Variants in ANO9 observed in about 807,000 individuals in gnomAD.
ANO9 encodes the protein anoctamin 9.
Under a neutral mutation model 100.5 loss-of-function variants are expected in ANO9, and 80 were observed. The ratio of observed to expected loss-of-function variants is 0.80; its 90% CI spans 0.66 to 0.96. The LOEUF is 0.96. ANO9 is among the 40% of genes least tolerant of loss of function. The pLI is 0.00. For missense variants in ANO9, 1,064 were observed against 1,072.7 expected (o/e 0.99, Z 0.11); for synonymous variants, 473 against 435.6 (o/e 1.09, Z -1.07).
chr11:425,902 G>GT (rs1470625591), intron 15 of ANO9, among the ~76,000 whole-genome samples: 2 of 106,616 alleles, frequency 1.9e-5, no homozygotes, highest in East Asian at 7.0e-4. Context: ...CTAATTTTTT[G>GT]TATTTTTTTT....
Position 420,510 on chromosome 11 carries a change from A to G in ANO9, c.1739T>C (p.Met580Thr). The G allele has an allele frequency of 6.2e-7, 1 of 1,605,480 alleles. No homozygotes were observed. The highest frequency in any genetic ancestry group is 8.5e-7 in the Non-Finnish European group (1 of 1,179,604). The change falls in exon 19 of 23, where the codon ATG becomes ACG. Residue 580 changes from methionine (M) to threonine (T), a missense_variant. Coordinates refer to ENST00000332826, the MANE Select transcript of ANO9 (RefSeq NM_001012302.3). ...LVEIRLDAIK[M>T]VWLQRRLVPR... Reference sequence around the variant, plus strand: ...CACCAGGCGCCGCTGCAACCAGACCATCTTGATGGCGTCCAGGCGGATCTC... The same window carrying G: ...CACCAGGCGCCGCTGCAACCAGACCGTCTTGATGGCGTCCAGGCGGATCTC...
At chr11:419,268 C>G in intron 20 of ANO9, 12 of 1,417,376 alleles carry the variant, frequency 8.5e-6, no homozygotes, top group Non-Finnish European at 1.0e-5. Context: ...GGTCAGAGAG[C>G]TGGATAAATC....
At chr11:423,899 A>G (rs1041000286) in intron 15 of ANO9, among the ~76,000 whole-genome samples, 5 of 151,414 alleles carry the variant, frequency 3.3e-5, no homozygotes, top group African/African-American at 7.3e-5. Context: ...ACACACACAC[A>G]CACACACACA....
chr11:436,355 C>T (rs1451574962), intron 1 of ANO9, among the ~76,000 whole-genome samples: 1 of 152,104 alleles, frequency 6.6e-6, no homozygotes, highest in Non-Finnish European at 1.5e-5. Context: ...GTGTGAGCCA[C>T]CACGCCCGGC....
In ANO9 at chr11:420,845, C is replaced by G; in HGVS notation, c.1506G>C (p.Lys502Asn). ...ACTCGGAGGCCCGCAGAGAGCGGCA[C>G]TTGTGGGTCACCCACCTGCGGGGAG... ...VEYLVPWVTH[K>N]CRSLRASESG... The change falls in exon 18 of 23, where the codon AAG becomes AAC. Residue 502 changes from lysine (K) to asparagine (N), a missense_variant. Transcript: ENST00000332826. 1 of 1,591,680 alleles carries G rather than the reference C, an allele frequency of 6.3e-7. No individual in the cohort carries two copies. Among genetic ancestry groups the G allele is most frequent in the Non-Finnish European group, 8.5e-7 (1 of 1,172,680 alleles).
At chr11:433,217 G>A (rs974573307) in intron 4 of ANO9, 97 bp downstream of exon 4, 10 of 1,489,602 alleles carry the variant, frequency 6.7e-6, no homozygotes, top group East Asian at 4.8e-5. Flanking sequence ...CTGCCTTGGC[G>A]ACGCCTGGAG....
rs751610844 is a variant in ANO9 at position 422,245 on chromosome 11, T to G, written c.1335-1047A>C. On this transcript the variant is annotated intron_variant, in intron 15 of 22. Transcript: ENST00000332826. The surrounding 1 kb of genome is among the most constrained non-coding windows in gnomAD (Gnocchi z 4.3). ...AAAACTACCAAGGAGCATGAAAGAC[T>G]TGCAGGGAGAACCTCGTTCTCCCAT... Among the ~76,000 whole-genome samples the G allele has an allele frequency of 6.6e-5, 10 of 152,206 alleles. No homozygotes were observed. Among genetic ancestry groups the G allele is most frequent in the Admixed American group, 1.3e-4 (2 of 15,282 alleles).
At chr11:434,870 GGCAGTCTCCAA>G (rs1849326463) in intron 1 of ANO9, among the ~76,000 whole-genome samples, 1 of 152,152 alleles carries the variant, frequency 6.6e-6, no homozygotes, top group Admixed American at 6.5e-5. Flanking sequence ...TAATTACTGA[GGCAGTCTCCAA>G]GCTGTCTCTG....
chr11:435,616 A>ATAGTCTAGTCTAGTATGGTCTAGTC (rs1849444357), intron 1 of ANO9, among the ~76,000 whole-genome samples: 1 of 64,862 alleles, frequency 1.5e-5, no homozygotes, highest in Admixed American at 1.3e-4. Context: ...ATAGTCTAGT[A>ATAGTCTAGTCTAGTATGGTCTAGTC]TAGTCTAGTC....
intron 1 of ANO9, among the ~76,000 whole-genome samples, chr11:435,123 A>G (rs1020919711): frequency 6.6e-6 from 1 of 151,824 alleles, no homozygotes; most frequent in African/African-American, 2.4e-5. Context: ...AGCATAGCAT[A>G]GCATAGTGTA....
chr11:434,203 T>C lies in ANO9; in HGVS notation c.7-105A>G, dbSNP rs988027224. 97 of 1,313,038 alleles carry C rather than the reference T, an allele frequency of 7.4e-5. No homozygotes were observed. The African/African-American group carries it at 1.3e-3, about 17-fold the overall frequency. The allele number at this position is 1,313,038 out of a possible 1,614,324, so 81.3% of individuals were successfully genotyped here. ...GGACCACATGGTCACACACCGTCCC[T>C]CCCCACAAGGAGAACAGCAAAGAGT... On this transcript the variant is annotated intron_variant, in intron 1 of 22. Transcript: ENST00000332826.
intron 1 of ANO9, among the ~76,000 whole-genome samples, chr11:439,438 T>G (rs886452734): frequency 1.9e-5 from 2 of 107,884 alleles, no homozygotes; most frequent in Non-Finnish European, 3.6e-5. Flanking sequence ...GAGATGGTTG[T>G]GCAGATATGA....
rs749665921 is a variant in ANO9, at chr11:433,897, TG to T, written c.121del (p.Gln41AsnfsTer29). ...SEQWDYVLVA[Q>X]RHTQRDPRQA... is the part of the protein sequence containing the mutation. ...CCGGGGGTCTCTCTGGGTGTGACGT[TG>T]GGCCACGAGGACATAGTCCCACTGC... is the stretch of plus-strand genomic sequence containing the variant. On this transcript the variant is annotated frameshift_variant, in exon 3 of 23. Transcript: ENST00000332826. LOFTEE classifies it high-confidence loss of function. 1 of 1,563,934 alleles carries T rather than the reference TG, an allele frequency of 6.4e-7. No individual in the cohort carries two copies. The highest frequency in any genetic ancestry group is 1.2e-5 in the South Asian group (1 of 85,046).
intron 19 of ANO9, 187 bp downstream of exon 19, chr11:420,276 C>T: frequency 7.0e-7 from 1 of 1,432,060 alleles, no homozygotes; most frequent in Non-Finnish European, 9.1e-7. Flanking sequence ...CGCTCGGCCC[C>T]GCCCACTCCT....
In ANO9 at chr11:420,575, G is replaced by C; in HGVS notation, c.1674C>G (p.Phe558Leu). Reference protein sequence around the residue: ...YGFTTIFVAAFPLAPLLALFS... With the variant: ...YGFTTIFVAALPLAPLLALFS... Reference sequence around the variant, plus strand: ...AGAGCGCGAGCAGCGGCGCCAGCGGGAAGGCGGCCACGAAGATGGTGGTGA... The same window carrying C: ...AGAGCGCGAGCAGCGGCGCCAGCGGCAAGGCGGCCACGAAGATGGTGGTGA... The change falls in exon 19 of 23, where the codon TTC becomes TTG. Residue 558 changes from phenylalanine (F) to leucine (L), a missense_variant. Phe to Leu is a conservative substitution (Grantham distance 22). Coordinates refer to ENST00000332826, the MANE Select transcript of ANO9 (RefSeq NM_001012302.3). 4 of 1,605,330 alleles carry C rather than the reference G, an allele frequency of 2.5e-6. 1 individual carries two copies. In the South Asian group the frequency reaches 3.3e-5, roughly 13 times the overall value.
At position 429,463 on chromosome 11, in the gene ANO9, G is replaced by C. The variant is rs926884816; in HGVS notation, c.915+107C>G. The C allele has an allele frequency of 2.0e-6, 3 of 1,523,624 alleles. No homozygotes were observed. In the African/African-American group the frequency reaches 4.1e-5, roughly 21 times the overall value. The allele number at this position is 1,523,624 out of a possible 1,614,324, so 94.4% of individuals were successfully genotyped here. On this transcript the variant is annotated intron_variant, in intron 11 of 22. Coordinates refer to ENST00000332826, the MANE Select transcript of ANO9 (RefSeq NM_001012302.3). ...GCCCCACATGTGGGGAGACAGACTC[G>C]GGACACACACCTCAGACACGGCAGG...
chr11:434,169 C>T (rs1849269865), intron 1 of ANO9, 71 bp from the exon 2 acceptor site: 1 of 1,510,770 alleles, frequency 6.6e-7, no homozygotes, highest in African/African-American at 1.4e-5. Flanking sequence ...ATTGGCGGGT[C>T]CCTGCAGCGG....
chr11:420,163 C>A, intron 19 of ANO9: 1 of 1,367,908 alleles, frequency 7.3e-7, no homozygotes, highest in Non-Finnish European at 9.4e-7. Context: ...GGACAGAGGC[C>A]GGCTGCTCTG....
chr11:428,944 GAGAC>G, intron 11 of ANO9, 118 bp from the exon 12 acceptor site: 2 of 963,020 alleles, frequency 2.1e-6, no homozygotes, highest in Non-Finnish European at 3.2e-6. Flanking sequence ...CACACATGGG[GAGAC>G]AGACACGGGA....
Sources: allele counts gnomAD v4.1 joint callset (sites outside exome capture counted in the v4.1 genomes callset), GRCh38; gene constraint gnomAD v4.1.1; non-coding constraint Gnocchi (gnomAD v3.1); transcripts MANE v1.5; gene names NCBI Gene and HGNC (gene_info 2026-07-23, HGNC 2026-07-21).